DIP2C: variants seen among roughly 807,000 people sequenced by gnomAD.
The protein encoded by DIP2C is disco-interacting protein 2 homolog C.
Under a neutral mutation model 192.4 loss-of-function variants are expected in DIP2C, and 33 were observed. The observed-to-expected ratio is 0.17, with a 90% CI of 0.13 to 0.23. DIP2C has a LOEUF of 0.23. Among genes scored for constraint, DIP2C ranks in the 10% least tolerant of loss-of-function variants. DIP2C has a pLI of 1.00. For missense variants in DIP2C, 1,537 were observed against 2,110.1 expected (o/e 0.73, Z 5.32); for synonymous variants, 979 against 864.1 (o/e 1.13, Z -2.33).
chr10:534,425 A>C (rs192636128), intron 1 of DIP2C, among the ~76,000 whole-genome samples: 2 of 152,218 alleles, frequency 1.3e-5, no homozygotes, highest in Non-Finnish European at 2.9e-5. Context: ...CCCGACCTTC[A>C]TCTTATAGTG....
At chr10:340,912 C>A (rs1165119146) in intron 29 of DIP2C, 3 of 511,182 alleles carry the variant, frequency 5.9e-6, no homozygotes, top group African/African-American at 1.9e-5. Flanking sequence ...GGCATAAGAA[C>A]CAAGCCTGGA....
At chr10:629,704 G>T (rs1355112470) in intron 1 of DIP2C, among the ~76,000 whole-genome samples, 3 of 152,210 alleles carry the variant, frequency 2.0e-5, no homozygotes, top group African/African-American at 7.2e-5. Flanking sequence ...CTCGCTCTCA[G>T]GGTGGAGACC....
chr10:639,036 G>T (rs1250630590), intron 1 of DIP2C, among the ~76,000 whole-genome samples: 1 of 152,232 alleles, frequency 6.6e-6, no homozygotes, highest in Non-Finnish European at 1.5e-5. Context: ...CTTGCATTCA[G>T]TTTGATGCAT....
chr10:496,784 A>T (rs1160915037), intron 1 of DIP2C, among the ~76,000 whole-genome samples: 1 of 151,620 alleles, frequency 6.6e-6, no homozygotes, highest in Non-Finnish European at 1.5e-5. Flanking sequence ...ACTCCAAACA[A>T]TGTGAGTGCT....
At chr10:551,759 A>G (rs573132462) in intron 1 of DIP2C, among the ~76,000 whole-genome samples, 45 of 152,298 alleles carry the variant, frequency 3.0e-4, no homozygotes, top group African/African-American at 9.4e-4. Context: ...AGCTCTCTCA[A>G]TGGAGTTGTG....
chr10:604,652 T>C (rs1174946470), intron 1 of DIP2C, among the ~76,000 whole-genome samples: 1 of 152,260 alleles, frequency 6.6e-6, no homozygotes, highest in Non-Finnish European at 1.5e-5. Flanking sequence ...TTCTCTTGAT[T>C]ATAGTTTTTA....
At chr10:454,849 C>T (rs1204679429) in intron 3 of DIP2C, among the ~76,000 whole-genome samples, 1 of 152,154 alleles carries the variant, frequency 6.6e-6, no homozygotes, top group East Asian at 1.9e-4. Flanking sequence ...CAAATGCGCC[C>T]TTTATGCTTG....
chr10:599,647 A>G (rs937097789), intron 1 of DIP2C, among the ~76,000 whole-genome samples: 3 of 152,178 alleles, frequency 2.0e-5, no homozygotes, highest in African/African-American at 7.2e-5. Context: ...GTAACCCAGC[A>G]CCCTCAGTGG....
intron 1 of DIP2C, among the ~76,000 whole-genome samples, chr10:657,288 A>ATG (rs1856419010): frequency 3.5e-4 from 1 of 2,828 alleles, no homozygotes; most frequent in Non-Finnish European, 8.9e-4. Context: ...TGGACCTGCC[A>ATG]CTGGACCTGT....
chr10:449,817 T>C (rs1461005353), intron 3 of DIP2C, among the ~76,000 whole-genome samples: 1 of 149,682 alleles, frequency 6.7e-6, no homozygotes, highest in Non-Finnish European at 1.5e-5. Flanking sequence ...CACATTCAGT[T>C]ACCTAATTCC....
intron 3 of DIP2C, among the ~76,000 whole-genome samples, chr10:467,270 C>G (rs570051962): frequency 1.3e-5 from 2 of 151,930 alleles, no homozygotes; most frequent in African/African-American, 2.4e-5. Context: ...TCTCAGTAAA[C>G]TATCGCAAAA....
chr10:518,573 C>T (rs988406754), intron 1 of DIP2C, among the ~76,000 whole-genome samples: 1 of 152,134 alleles, frequency 6.6e-6, no homozygotes, highest in Non-Finnish European at 1.5e-5. Flanking sequence ...CTCTTGCCCT[C>T]CCACTGTGTC....
At chr10:467,373 G>A (rs1485117837) in intron 3 of DIP2C, among the ~76,000 whole-genome samples, 18 of 126,044 alleles carry the variant, frequency 1.4e-4, no homozygotes, top group Admixed American at 8.7e-5. Flanking sequence ...ACACTCTGGG[G>A]ACTGTGGTGG....
intron 1 of DIP2C, among the ~76,000 whole-genome samples, chr10:628,163 A>C (rs1398538048): frequency 6.6e-6 from 1 of 152,196 alleles, no homozygotes; most frequent in Non-Finnish European, 1.5e-5. Flanking sequence ...GCTTCTAAGT[A>C]GCAGATTAGG....
intron 1 of DIP2C, among the ~76,000 whole-genome samples, chr10:563,586 T>C (rs1426378813): frequency 6.6e-6 from 1 of 152,176 alleles, no homozygotes; most frequent in Non-Finnish European, 1.5e-5. Flanking sequence ...GCTTAAAATA[T>C]AATTATAGCA....
rs1438037603 is a variant in DIP2C, at chr10:363,063, C to T, written c.2592+134G>A. ...AGTTTCTGGACACTTGATGTAGTTC[C>T]TGATCAAATGAAGGGAAGGGAAAAA... On this transcript the variant is annotated intron_variant, in intron 21 of 36. Coordinates refer to ENST00000280886, the MANE Select transcript of DIP2C (RefSeq NM_014974.3). The surrounding 1 kb of genome is among the most constrained non-coding windows in gnomAD (Gnocchi z 5.4). The T allele has an allele frequency of 1.4e-6, 1 of 732,154 alleles. No individual in the cohort carries two copies. The highest frequency in any genetic ancestry group is 1.9e-5 in the South Asian group (1 of 53,968). The allele number at this position is 732,154 out of a possible 1,614,324, so 45.4% of individuals were successfully genotyped here.
chr10:686,358 C>T (rs1831336169), intron 1 of DIP2C, among the ~76,000 whole-genome samples: 2 of 151,972 alleles, frequency 1.3e-5, no homozygotes, highest in Admixed American at 1.3e-4. Flanking sequence ...CCCACGTGGT[C>T]TCCCCACCTG....
At chr10:567,180 G>T (rs568581436) in intron 1 of DIP2C, among the ~76,000 whole-genome samples, 58 of 140,516 alleles carry the variant, frequency 4.1e-4, no homozygotes, top group Middle Eastern at 6.8e-3. Context: ...GGTTTTGGGG[G>T]GTTTTTTGTT....
chr10:548,911 C>CA (rs61437915), intron 1 of DIP2C, among the ~76,000 whole-genome samples: 2,721 of 26,372 alleles, frequency 0.1, 495 homozygotes, highest in Non-Finnish European at 0.16. Context: ...TAGCAGCTCA[C>CA]AAAAAAAAAA....
Sources: allele counts gnomAD v4.1 joint callset (sites outside exome capture counted in the v4.1 genomes callset), GRCh38; gene constraint gnomAD v4.1.1; non-coding constraint Gnocchi (gnomAD v3.1); transcripts MANE v1.5; gene names NCBI Gene and HGNC (gene_info 2026-07-23, HGNC 2026-07-21).